Variants in ATRN observed in about 807,000 individuals in gnomAD.
The protein encoded by ATRN is attractin.
A neutral mutation model predicts 178.7 loss-of-function variants in ATRN; 54 were observed. The observed-to-expected ratio is 0.30, with a 90% CI of 0.24 to 0.38. The LOEUF is 0.38. Among genes scored for constraint, ATRN ranks in the 10% least tolerant of loss-of-function variants. The pLI is 1.00. For missense variants in ATRN, 1,443 were observed against 1,815.1 expected (o/e 0.79, Z 3.73); for synonymous variants, 636 against 663.0 (o/e 0.96, Z 0.63).
In ATRN at chr20:3,525,827, A is replaced by G. The variant is rs997584681; in HGVS notation, c.411-9426A>G. On this transcript the variant is annotated intron_variant, in intron 1 of 28. Transcript: ENST00000262919. ...CATGATTATCTCAATAGATGCAGAA[A>G]AGGCCTTCAATAAAATTCAACAGCT... 3.9e-5 allele frequency among the ~76,000 whole-genome samples: 6 copies of G among 152,188 alleles called. No individual in the cohort carries two copies. The East Asian group carries it at 9.6e-4, about 24-fold the overall frequency.
At chr20:3,559,905 T>C (rs1276694085) in intron 7 of ATRN, among the ~76,000 whole-genome samples, 1 of 152,190 alleles carries the variant, frequency 6.6e-6, no homozygotes, top group East Asian at 1.9e-4. Flanking sequence ...TGTGAGGAAG[T>C]CCAAGAAAAC....
At chr20:3,492,033 G>C (rs1399214295) in intron 1 of ATRN, among the ~76,000 whole-genome samples, 1 of 152,072 alleles carries the variant, frequency 6.6e-6, no homozygotes, top group Non-Finnish European at 1.5e-5. Flanking sequence ...AGAGATTATA[G>C]TTACAGAGAC....
intron 9 of ATRN, 69 bp downstream of exon 9, chr20:3,562,528 T>G: frequency 6.6e-7 from 1 of 1,511,680 alleles, no homozygotes; most frequent in Non-Finnish European, 9.1e-7. Flanking sequence ...GAGAAAATAT[T>G]GTGCTATCTT....
intron 24 of ATRN, among the ~76,000 whole-genome samples, chr20:3,611,631 A>G (rs901485784): frequency 6.6e-6 from 1 of 152,216 alleles, no homozygotes; most frequent in Non-Finnish European, 1.5e-5. Context: ...AGTCCCAGCT[A>G]CTCAGGATAC....
At position 3,600,991 on chromosome 20, in the gene ATRN, A is replaced by G; in HGVS notation, c.3610A>G (p.Asn1204Asp). The change falls in exon 23 of 29, where the codon AAC (asparagine) becomes GAC (aspartate). Residue 1204 changes from asparagine to aspartate, a missense_variant. This residue lies in a region of ATRN where 289 missense variants were observed against 440.8 expected (regional missense o/e 0.66). Coordinates refer to ENST00000262919, the MANE Select transcript of ATRN (RefSeq NM_139321.3). ...DMFINASKNF[N>D]LNITWAASFS... ...GTTCATCAATGCCTCCAAGAATTTC[A>G]ACCTCAACATCACCTGGGCTGCCAG... 1 of 1,613,942 alleles carries G rather than the reference A, an allele frequency of 6.2e-7. No homozygotes were observed. Among genetic ancestry groups the G allele is most frequent in the Non-Finnish European group, 8.5e-7 (1 of 1,179,856 alleles).
intron 16 of ATRN, among the ~76,000 whole-genome samples, chr20:3,582,810 T>C (rs1037961769): frequency 3.9e-5 from 6 of 152,098 alleles, no homozygotes. Flanking sequence ...TGAGAGCAGT[T>C]CTGTAAGCGA....
intron 27 of ATRN, 29 bp from the exon 28 acceptor site, chr20:3,644,125 C>T: frequency 1.3e-6 from 2 of 1,524,164 alleles, no homozygotes; most frequent in Non-Finnish European, 1.8e-6. Flanking sequence ...TTGAGTATCA[C>T]TTAAGGTAAT....
At chr20:3,531,890 TAAGTAAACATTTA>T (rs1223947143) in intron 1 of ATRN, among the ~76,000 whole-genome samples, 3 of 152,180 alleles carry the variant, frequency 2.0e-5, no homozygotes, top group Non-Finnish European at 4.4e-5. Flanking sequence ...TTAAAGATAC[TAAGTAAACATTTA>T]AAATAAAACT....
intron 19 of ATRN, 113 bp downstream of exon 19, chr20:3,591,419 C>T: frequency 7.8e-7 from 1 of 1,281,482 alleles, no homozygotes; most frequent in Non-Finnish European, 1.1e-6. Context: ...TACCACATTT[C>T]TTATTAAATC....
At chr20:3,567,294 A>G (rs540575093) in intron 11 of ATRN, among the ~76,000 whole-genome samples, 4 of 152,320 alleles carry the variant, frequency 2.6e-5, no homozygotes, top group Admixed American at 6.5e-5. Flanking sequence ...TAGTTCTCCT[A>G]GCACAGGATT....
intron 11 of ATRN, among the ~76,000 whole-genome samples, chr20:3,568,725 A>G (rs963400486): frequency 5.9e-5 from 9 of 152,148 alleles, no homozygotes; most frequent in African/African-American, 2.2e-4. Context: ...TGTTGAATAT[A>G]TATTCTTGAT....
At chr20:3,487,479 C>T (rs769224966) in intron 1 of ATRN, among the ~76,000 whole-genome samples, 29 of 152,188 alleles carry the variant, frequency 1.9e-4, no homozygotes, top group African/African-American at 4.8e-5. Flanking sequence ...GATCCACCCG[C>T]GTTGGCCTCC....
At chr20:3,619,566 A>G (rs375473482) in intron 24 of ATRN, among the ~76,000 whole-genome samples, 1 of 152,218 alleles carries the variant, frequency 6.6e-6, no homozygotes, top group Non-Finnish European at 1.5e-5. Flanking sequence ...TGTGGATGGC[A>G]CATAGTAGAT....
intron 8 of ATRN, among the ~76,000 whole-genome samples, chr20:3,561,459 A>G (rs1191921265): frequency 1.3e-5 from 2 of 152,232 alleles, no homozygotes; most frequent in African/African-American, 2.4e-5. Context: ...AGATGACGCA[A>G]AGTGCTTTGG....
intron 2 of ATRN, among the ~76,000 whole-genome samples, chr20:3,538,526 GC>G (rs2085572781): frequency 6.6e-6 from 1 of 152,058 alleles, no homozygotes; most frequent in Admixed American, 6.6e-5. Flanking sequence ...TCAGTTCATT[GC>G]CACCTGACAC....
intron 18 of ATRN, among the ~76,000 whole-genome samples, chr20:3,586,482 T>C (rs1752187042): frequency 6.6e-6 from 1 of 151,128 alleles, no homozygotes; most frequent in Non-Finnish European, 1.5e-5. Context: ...TGACATGGAT[T>C]ACCCTAAAAA....
At chr20:3,621,009 A>G (rs2086893118) in intron 24 of ATRN, among the ~76,000 whole-genome samples, 1 of 152,058 alleles carries the variant, frequency 6.6e-6, no homozygotes. Context: ...CATCAGCACT[A>G]TCGTTAGTGT....
At chr20:3,594,222 A>G (rs2086491277) in intron 19 of ATRN, among the ~76,000 whole-genome samples, 1 of 152,246 alleles carries the variant, frequency 6.6e-6, no homozygotes, top group African/African-American at 2.4e-5. Context: ...TGAAAAGATC[A>G]AAATAGTCAT....
chr20:3,502,335 G>A (rs2146110356), intron 1 of ATRN, among the ~76,000 whole-genome samples: 1 of 152,160 alleles, frequency 6.6e-6, no homozygotes, highest in African/African-American at 2.4e-5. Context: ...CTAAATCTTG[G>A]AATTGGTACA....
Sources: gnomAD v4.1 joint callset for allele counts (sites outside exome capture counted in the v4.1 genomes callset) on GRCh38, gnomAD v4.1.1 for gene constraint, gnomAD v4.1.1 regional missense constraint, MANE v1.5 for transcripts, NCBI Gene and HGNC (gene_info 2026-07-23, HGNC 2026-07-21) for gene names.